Variants in ANK2 observed in about 807,000 individuals in gnomAD.
ANK2 encodes ankyrin-2.
In ANK2, 83 loss-of-function variants were observed where a neutral mutation model predicts 360.5. The ratio of observed to expected loss-of-function variants is 0.23; its 90% CI spans 0.19 to 0.28. The LOEUF (loss-of-function observed/expected upper bound fraction) is 0.28, where lower values mean the gene tolerates loss of function less well. Ranked by LOEUF, ANK2 falls within the 10% of genes least tolerant of loss-of-function variation. The pLI, the probability that ANK2 is intolerant of heterozygous loss-of-function variation, is 1.00. For synonymous variants in ANK2, 1,740 were observed against 1,759.5 expected (o/e 0.99, Z 0.28); for missense variants, 4,201 against 4,795.7 (o/e 0.88, Z 3.66).
chr4:112,987,955 A>G (rs1374799344), intron 2 of ANK2, among the ~76,000 whole-genome samples: 1 of 152,136 alleles, frequency 6.6e-6, no homozygotes, highest in Non-Finnish European at 1.5e-5. Flanking sequence ...ACGGCATAAG[A>G]TATAGAAATA....
upstream of ANK2, among the ~76,000 whole-genome samples, chr4:112,817,195 T>TA (rs2055731156): frequency 6.6e-6 from 1 of 152,200 alleles, no homozygotes. Flanking sequence ...GAAATTAAGA[T>TA]AAAACCTGAT....
chr4:113,236,537 C>T (rs2099385409), intron 5 of ANK2, among the ~76,000 whole-genome samples: 1 of 152,158 alleles, frequency 6.6e-6, no homozygotes, highest in African/African-American at 2.4e-5. Context: ...CCTAACCATT[C>T]AGATATATTT....
intron 2 of ANK2, among the ~76,000 whole-genome samples, chr4:113,035,597 T>C (rs2154307793): frequency 6.6e-6 from 1 of 151,802 alleles, no homozygotes; most frequent in East Asian, 2.0e-4. Flanking sequence ...TGTAGATGAA[T>C]TTAGGCAATA....
intron 1 of ANK2, among the ~76,000 whole-genome samples, chr4:113,135,426 C>G (rs1436896540): frequency 3.3e-5 from 5 of 151,784 alleles, no homozygotes; most frequent in Non-Finnish European, 7.4e-5. Flanking sequence ...TGCAGAGAAG[C>G]TCTACAGGTG....
At chr4:113,286,155 C>T (rs553620729) in intron 18 of ANK2, among the ~76,000 whole-genome samples, 18 of 152,288 alleles carry the variant, frequency 1.2e-4, no homozygotes, top group African/African-American at 4.3e-4. Context: ...ACTTCAATAA[C>T]ATTTTTAAAC....
At chr4:112,973,907 C>A (rs1450163248) in intron 2 of ANK2, among the ~76,000 whole-genome samples, 1 of 152,108 alleles carries the variant, frequency 6.6e-6, no homozygotes. Context: ...TCCAAGAAAA[C>A]CCGAAACTAC....
intron 1 of ANK2, among the ~76,000 whole-genome samples, chr4:113,150,440 C>A (rs2097021720): frequency 6.6e-6 from 1 of 152,088 alleles, no homozygotes; most frequent in East Asian, 1.9e-4. Context: ...GAAGGTGGAG[C>A]CTGAAGCAGA....
At chr4:112,728,179 G>A in the ANK2 span, among the ~76,000 whole-genome samples, 1 of 148,770 alleles carries the variant, frequency 6.7e-6, no homozygotes, top group Non-Finnish European at 1.5e-5. Flanking sequence ...TGTAGTCCCA[G>A]CTGCTCGGGA....
At chr4:112,974,137 G>T (rs1280419577) in intron 2 of ANK2, among the ~76,000 whole-genome samples, 2 of 152,142 alleles carry the variant, frequency 1.3e-5, no homozygotes, top group Non-Finnish European at 2.9e-5. Context: ...TCTAAATTGG[G>T]TGCAGTGGGT....
chr4:112,827,579 G>T (rs547043349), intron 1 of ANK2: 1 of 1,045,416 alleles, frequency 9.6e-7, no homozygotes, highest in African/African-American at 1.6e-5. Context: ...AAATATTCTC[G>T]AGCTCTATAC....
chr4:113,309,254 G>A (rs2078701322), intron 23 of ANK2, among the ~76,000 whole-genome samples: 1 of 152,170 alleles, frequency 6.6e-6, no homozygotes, highest in Non-Finnish European at 1.5e-5. Flanking sequence ...TTTAGACACT[G>A]CTTTCAGCAT....
chr4:113,161,736 A>G (rs1031559568), intron 1 of ANK2, among the ~76,000 whole-genome samples: 19 of 139,510 alleles, frequency 1.4e-4, no homozygotes, highest in East Asian at 1.3e-3. Context: ...GTGTGTGTGC[A>G]TGTGCATGTA....
At chr4:112,871,968 T>C (rs1251155490) in intron 1 of ANK2, among the ~76,000 whole-genome samples, 1 of 152,182 alleles carries the variant, frequency 6.6e-6, no homozygotes, top group Non-Finnish European at 1.5e-5. Context: ...TATAGAATCC[T>C]TTATATGTAC....
chr4:113,375,631 A>T (rs1033189839), intron 45 of ANK2, among the ~76,000 whole-genome samples: 5 of 152,032 alleles, frequency 3.3e-5, no homozygotes, highest in African/African-American at 1.2e-4. Context: ...AGGCTGAGGC[A>T]GGAGAATGGT....
intron 10 of ANK2, among the ~76,000 whole-genome samples, chr4:113,254,878 A>AAAG (rs1205250361): frequency 2.6e-5 from 4 of 152,346 alleles, no homozygotes; most frequent in Admixed American, 6.5e-5. Flanking sequence ...GGTATTAATA[A>AAAG]AAGACAATAG....
chr4:113,048,274 ATATT>A (rs1442238570), upstream of ANK2, among the ~76,000 whole-genome samples: 6 of 41,732 alleles, frequency 1.4e-4, no homozygotes, highest in Admixed American at 4.0e-4. Context: ...ATATATATAT[ATATT>A]TTTTTTTTTT....
At position 113,174,418 on chromosome 4, in the gene ANK2, T is replaced by C. The variant is rs765150752; in HGVS notation, c.87T>C (p.Ser29=). The change falls in exon 2 of 46, where the codon TCT becomes TCC. Residue 29 remains serine (S), a splice_region_variant and synonymous_variant. Transcript: ENST00000357077. ...SSQRRKRPKK[S]DSNASFLRAA... ...AAGGTCTTTTATTTTTCTCGCAGTC[T>C]GACAGCAATGCAAGCTTCCTCCGTG... 4.3e-6 allele frequency: 7 copies of C among 1,611,726 alleles called. No individual in the cohort carries two copies. In the East Asian group the frequency reaches 1.6e-4, roughly 36 times the overall value.
At chr4:113,093,638 C>G (rs1210066740) in intron 1 of ANK2, among the ~76,000 whole-genome samples, 1 of 152,214 alleles carries the variant, frequency 6.6e-6, no homozygotes, top group Non-Finnish European at 1.5e-5. Context: ...CCACGCCCAG[C>G]TAATTTGCTT....
chr4:112,821,130 G>A (rs1381683086), intron 1 of ANK2, among the ~76,000 whole-genome samples: 2 of 152,086 alleles, frequency 1.3e-5, no homozygotes, highest in African/African-American at 4.8e-5. Context: ...GGTCAGGCTG[G>A]TCTTGAACTC....
Sources: gnomAD v4.1 joint callset for allele counts (sites outside exome capture counted in the v4.1 genomes callset) on GRCh38, gnomAD v4.1.1 for gene constraint, MANE v1.5 for transcripts, NCBI Gene and HGNC (gene_info 2026-07-23, HGNC 2026-07-21) for gene names.